Variants in ANO4 observed in about 807,000 individuals in gnomAD.
The protein encoded by ANO4 is anoctamin 4.
In ANO4, 69 loss-of-function variants were observed where a neutral mutation model predicts 141.9. The ratio of observed to expected loss-of-function variants is 0.49; its 90% confidence interval spans 0.40 to 0.59. ANO4 has a LOEUF of 0.59. ANO4 is among the 20% of genes least tolerant of loss of function. The pLI is 0.00. For synonymous variants in ANO4, 350 were observed against 394.3 expected (o/e 0.89, Z 1.33); for missense variants, 894 against 1,162.2 (o/e 0.77, Z 3.36).
intron 24 of ANO4, among the ~76,000 whole-genome samples, chr12:101,112,284 A>G (rs2050692981): frequency 6.6e-6 from 1 of 152,188 alleles, no homozygotes; most frequent in Non-Finnish European, 1.5e-5. Flanking sequence ...AAGCAAGCTG[A>G]GTGGACTAAA....
In ANO4 at chr12:101,052,374, C is replaced by T. The variant is rs553087524; in HGVS notation, c.1312+3973C>T. Among the ~76,000 whole-genome samples, 9 of 152,226 alleles carry T rather than the reference C, an allele frequency of 5.9e-5. No homozygotes were observed. The South Asian group carries it at 1.9e-3, about 32-fold the overall frequency. On this transcript the variant is annotated intron_variant, in intron 14 of 27. Transcript: ENST00000392977. The stretch of plus-strand genomic sequence containing the variant: ...CAGAATGATTATGGACTAAATAACT[C>T]CTCTCCCGAGGGAAAAAATGAGTCA...
chr12:100,905,683 G>T (rs1222082122), intron 2 of ANO4, among the ~76,000 whole-genome samples: 1 of 152,134 alleles, frequency 6.6e-6, no homozygotes, highest in Admixed American at 6.5e-5. Flanking sequence ...GCTATGAAGT[G>T]TAGTGAAGAA....
chr12:100,888,304 C>A (rs1481584091), intron 1 of ANO4, among the ~76,000 whole-genome samples: 1 of 152,112 alleles, frequency 6.6e-6, no homozygotes, highest in African/African-American at 2.4e-5. Context: ...AGAATTCCAA[C>A]AAACAAACAG....
intron 1 of ANO4, among the ~76,000 whole-genome samples, chr12:100,819,015 G>GTATA (rs1375472967): frequency 7.1e-6 from 1 of 141,122 alleles, no homozygotes. Context: ...ATATATATGT[G>GTATA]TATATATATA....
intron 3 of ANO4, among the ~76,000 whole-genome samples, chr12:100,749,887 GA>G (rs1345233797): frequency 6.6e-6 from 1 of 152,138 alleles, no homozygotes; most frequent in Admixed American, 6.5e-5. Flanking sequence ...GGGATAATGC[GA>G]GGGACATTTT....
At chr12:100,950,992 A>G (rs146091018) in intron 5 of ANO4, among the ~76,000 whole-genome samples, 2 of 152,338 alleles carry the variant, frequency 1.3e-5, no homozygotes, top group African/African-American at 4.8e-5. Flanking sequence ...TTCTAATTTT[A>G]GGATGCTATT....
At chr12:100,997,651 G>A (rs140724213) in intron 8 of ANO4, among the ~76,000 whole-genome samples, 110 of 152,130 alleles carry the variant, frequency 7.2e-4, no homozygotes, top group African/African-American at 2.6e-3. Flanking sequence ...AATGGTTGAC[G>A]AATAAACTAG....
Position 101,111,706 on chromosome 12 carries a change from C to A in ANO4, c.2446C>A (p.Gln816Lys). The change falls in exon 24 of 28, where the codon CAA becomes AAA. Residue 816 changes from glutamine (Q) to lysine (K), a missense_variant. By Grantham distance (53) the Gln-to-Lys change is moderately conservative. Transcript: ENST00000392977. ...TTGTGCAGGCCAAGGAGAAGCTGGG[C>A]AAAAGTAAGTTTGCTATAAAACCAC... ...GPCAGQGEAG[Q>K]KCMVGYVNAS... is the part of the protein sequence containing the mutation. The A allele has an allele frequency of 1.9e-6, 3 of 1,586,910 alleles. No homozygotes were observed. The highest frequency in any genetic ancestry group is 2.6e-6 in the Non-Finnish European group (3 of 1,169,976).
At chr12:101,099,793 C>A in intron 22 of ANO4, 73 bp downstream of exon 22, 1 of 1,298,158 alleles carries the variant, frequency 7.7e-7, no homozygotes, top group Non-Finnish European at 1.0e-6. Flanking sequence ...TAAACATATA[C>A]CCGTTATCAT....
intron 19 of ANO4, 31 bp downstream of exon 19, chr12:101,096,678 A>C: frequency 6.6e-7 from 1 of 1,524,792 alleles, no homozygotes; most frequent in Non-Finnish European, 9.1e-7. Context: ...CACCTCCCCA[A>C]GCTGAGGACA....
intron 12 of ANO4, among the ~76,000 whole-genome samples, 181 bp downstream of exon 12, chr12:101,042,649 T>A (rs2047454442): frequency 6.6e-6 from 1 of 152,246 alleles, no homozygotes; most frequent in Non-Finnish European, 1.5e-5. Context: ...CTTGCTGCCA[T>A]GGTCTTCAGA....
intron 1 of ANO4, among the ~76,000 whole-genome samples, chr12:100,732,902 C>T (rs1183825159): frequency 6.6e-6 from 1 of 152,114 alleles, no homozygotes. Context: ...TTCTTTTGCC[C>T]CCCTCTGCCT....
chr12:101,095,926 C>T (rs1476550795), intron 18 of ANO4, among the ~76,000 whole-genome samples: 2 of 152,140 alleles, frequency 1.3e-5, no homozygotes, highest in African/African-American at 4.8e-5. Flanking sequence ...TGGCCCCTGA[C>T]TGAGGTCAGG....
intron 1 of ANO4, among the ~76,000 whole-genome samples, chr12:100,817,756 G>C (rs1339400231): frequency 6.6e-6 from 1 of 151,774 alleles, no homozygotes. Context: ...GGAAAAAGAT[G>C]GTTAAATGAG....
chr12:100,934,134 G>T (rs2042194707), intron 3 of ANO4, among the ~76,000 whole-genome samples: 1 of 152,088 alleles, frequency 6.6e-6, no homozygotes, highest in South Asian at 2.1e-4. Flanking sequence ...GGTTTTTGTT[G>T]CCATTGCTTT....
intron 18 of ANO4, among the ~76,000 whole-genome samples, chr12:101,095,292 T>G (rs1220623553): frequency 9.5e-6 from 1 of 105,188 alleles, no homozygotes; most frequent in African/African-American, 7.3e-5. Context: ...CCCAAAAAGA[T>G]AGAAGAGGTT....
intron 7 of ANO4, among the ~76,000 whole-genome samples, chr12:100,978,870 C>A (rs2044323512): frequency 2.0e-5 from 3 of 152,306 alleles, no homozygotes; most frequent in Admixed American, 2.0e-4. Context: ...TGTATTATAA[C>A]TCAACAGTAG....
intron 5 of ANO4, among the ~76,000 whole-genome samples, chr12:100,962,429 G>A (rs1426447040): frequency 6.6e-6 from 1 of 152,158 alleles, no homozygotes; most frequent in African/African-American, 2.4e-5. Context: ...TATCGCGGCT[G>A]AAGAGATTAC....
At chr12:100,763,596 C>T (rs937271568) in intron 3 of ANO4, among the ~76,000 whole-genome samples, 2 of 152,206 alleles carry the variant, frequency 1.3e-5, no homozygotes, top group Non-Finnish European at 2.9e-5. Flanking sequence ...TTCAAATGGG[C>T]AGCTCTTGCC....
Sources: gnomAD v4.1 joint callset for allele counts (sites outside exome capture counted in the v4.1 genomes callset) on GRCh38, gnomAD v4.1.1 for gene constraint, MANE v1.5 for transcripts, NCBI Gene and HGNC (gene_info 2026-07-23, HGNC 2026-07-21) for gene names.